Variants in ELFN2 observed in about 807,000 individuals in gnomAD.
ELFN2 encodes extracellular leucine rich repeat and fibronectin type III domain containing 2.
In ELFN2, 17 loss-of-function variants were observed where a neutral mutation model predicts 45.5. That is an observed-to-expected ratio of 0.37 (90% CI 0.26 to 0.56). The LOEUF (loss-of-function observed/expected upper bound fraction) is 0.56. ELFN2 is among the 20% of genes least tolerant of loss of function. The probability of loss-of-function intolerance (pLI) is 0.77; values close to 1 mark genes in which losing one functional copy is unlikely to be tolerated. For synonymous variants in ELFN2, 550 were observed against 551.5 expected (o/e 1.00, Z 0.04); for missense variants, 922 against 1,183.2 (o/e 0.78, Z 3.24).
rs535704086 is a variant in ELFN2 at position 37,357,938 on chromosome 22, G to A, written n.149-15235C>T. Among the ~76,000 whole-genome samples, 9 of 152,282 alleles carry A rather than the reference G, an allele frequency of 5.9e-5. No homozygotes were observed. In the South Asian group the frequency reaches 1.5e-3, roughly 25 times the overall value. On this transcript the variant is annotated intron_variant and non_coding_transcript_variant, in intron 1 of 2. Transcript: ENST00000452946. ...CATCACCCTGCACGCATCTGAAGCC[G>A]AAGTGAAGTCCCACAGCCAACCTTC... is the stretch of plus-strand genomic sequence containing the variant.
intron 2 of ELFN2, among the ~76,000 whole-genome samples, chr22:37,408,584 C>T (rs1050223539): frequency 6.6e-6 from 1 of 152,336 alleles, no homozygotes; most frequent in Non-Finnish European, 1.5e-5. Context: ...CTACCATATG[C>T]CAGGACCTTC....
chr22:37,410,906 A>T (rs1224597952), intron 2 of ELFN2, among the ~76,000 whole-genome samples: 2 of 151,964 alleles, frequency 1.3e-5, no homozygotes, highest in Non-Finnish European at 2.9e-5. Flanking sequence ...ACATTTCCTG[A>T]CCTAGCACCC....
intron 1 of ELFN2, among the ~76,000 whole-genome samples, chr22:37,343,887 C>A (rs1930624010): frequency 6.6e-6 from 1 of 152,090 alleles, no homozygotes; most frequent in Non-Finnish European, 1.5e-5. Flanking sequence ...GCTATTCCTC[C>A]TGATGCCCCT....
intron 2 of ELFN2, among the ~76,000 whole-genome samples, chr22:37,407,262 G>C (rs914421812): frequency 2.6e-5 from 4 of 152,156 alleles, no homozygotes; most frequent in African/African-American, 9.7e-5. Flanking sequence ...TGAAATTCAG[G>C]CTATACCACA....
At chr22:37,425,813 C>T (rs1387422192) in intron 1 of ELFN2, among the ~76,000 whole-genome samples, 23 of 151,738 alleles carry the variant, frequency 1.5e-4, no homozygotes, top group Non-Finnish European at 2.9e-4. Flanking sequence ...AGACGTGACA[C>T]GTCCCACAGG....
intron 1 of ELFN2, among the ~76,000 whole-genome samples, chr22:37,342,976 C>T (rs565478442): frequency 1.3e-5 from 2 of 152,190 alleles, no homozygotes; most frequent in Non-Finnish European, 2.9e-5. Context: ...GGACAGCTTA[C>T]CTGGGCCCAC....
chr22:37,396,172 T>C (rs1932208699), intron 2 of ELFN2, among the ~76,000 whole-genome samples: 1 of 152,256 alleles, frequency 6.6e-6, no homozygotes. Context: ...GACTTTGCTA[T>C]TTAAAGAAAG....
downstream of ELFN2, among the ~76,000 whole-genome samples, chr22:37,367,247 G>T (rs1411314277): frequency 6.6e-6 from 1 of 152,222 alleles, no homozygotes; most frequent in African/African-American, 2.4e-5. Context: ...AGGCTTGGGC[G>T]GTTCAGCCTG....
At chr22:37,349,987 G>T (rs1020134528) in intron 1 of ELFN2, among the ~76,000 whole-genome samples, 22 of 150,958 alleles carry the variant, frequency 1.5e-4, no homozygotes, top group African/African-American at 5.1e-4. Context: ...AGCCAAGGCA[G>T]TGAGGAGTGG....
intron 1 of ELFN2, among the ~76,000 whole-genome samples, chr22:37,351,687 C>A (rs930893354): frequency 6.6e-6 from 1 of 150,590 alleles, no homozygotes; most frequent in Non-Finnish European, 1.5e-5. Context: ...CTTTCAAGGC[C>A]TCAGTTTACC....
chr22:37,413,877 G>A (rs541299645), intron 2 of ELFN2, among the ~76,000 whole-genome samples: 1 of 152,316 alleles, frequency 6.6e-6, no homozygotes, highest in African/African-American at 2.4e-5. Context: ...TCAGGTCCAA[G>A]TTCTTCAGCC....
At chr22:37,403,075 T>C (rs1052661939) in intron 2 of ELFN2, among the ~76,000 whole-genome samples, 1 of 151,916 alleles carries the variant, frequency 6.6e-6, no homozygotes, top group South Asian at 2.1e-4. Context: ...CCTATCCCAG[T>C]TACTACCAGC....
intron 2 of ELFN2, among the ~76,000 whole-genome samples, chr22:37,392,456 T>A (rs1932108516): frequency 6.6e-6 from 1 of 152,020 alleles, no homozygotes; most frequent in Non-Finnish European, 1.5e-5. Context: ...TAGCTGGGAC[T>A]AGAGGCGCCC....
intron 1 of ELFN2, among the ~76,000 whole-genome samples, chr22:37,346,981 A>AT (rs1250947819): frequency 8.5e-6 from 1 of 117,040 alleles, no homozygotes; most frequent in African/African-American, 3.2e-5. Context: ...CATCTTCATT[A>AT]TTATTTTTTT....
At chr22:37,360,156 G>A (rs533492839) in intron 1 of ELFN2, among the ~76,000 whole-genome samples, 35 of 152,118 alleles carry the variant, frequency 2.3e-4, no homozygotes, top group South Asian at 1.2e-3. Flanking sequence ...TTGAGTCTCC[G>A]TCTCCCACCT....
At chr22:37,398,066 G>A (rs964875871) in intron 2 of ELFN2, among the ~76,000 whole-genome samples, 2 of 152,132 alleles carry the variant, frequency 1.3e-5, no homozygotes, top group Non-Finnish European at 2.9e-5. Context: ...CGCTGCGGGT[G>A]GATTATTGCA....
Position 37,402,811 on chromosome 22 carries a change from A to C in ELFN2, c.-463+14958T>G, listed in dbSNP as rs527245291. 2.0e-5 allele frequency among the ~76,000 whole-genome samples: 3 copies of C among 152,280 alleles called. No homozygotes were observed. In the East Asian group the frequency reaches 5.8e-4, roughly 30 times the overall value. On this transcript the variant is annotated intron_variant, in intron 2 of 2. Transcript: ENST00000402918. The stretch of plus-strand genomic sequence containing the variant: ...CCAGGCAGGAGGCTGAGCAGAAGCC[A>C]GAGCATGAGCTGGGCCTCGTCCCAG...
At chr22:37,341,028 G>A (rs1322929447) in intron 2 of ELFN2, 1 of 152,442 alleles carries the variant, frequency 6.6e-6, no homozygotes, top group African/African-American at 2.4e-5. Flanking sequence ...GAGAGAGATA[G>A]AGAGAGGGAG....
chr22:37,423,672 T>C (rs917246790), intron 1 of ELFN2, among the ~76,000 whole-genome samples: 1 of 152,146 alleles, frequency 6.6e-6, no homozygotes, highest in African/African-American at 2.4e-5. Flanking sequence ...TATTAGCTGA[T>C]ATCATTATTA....
Sources: allele counts gnomAD v4.1 joint callset (sites outside exome capture counted in the v4.1 genomes callset), GRCh38; gene constraint gnomAD v4.1.1; transcripts MANE v1.5; gene names NCBI Gene and HGNC (gene_info 2026-07-23, HGNC 2026-07-21).